Variants in ERC1 observed in about 807,000 individuals in gnomAD.
ERC1 encodes RAB6 interacting protein 2.
A neutral mutation model predicts 132.0 loss-of-function variants in ERC1; 56 were observed. That is an observed-to-expected ratio of 0.42 (90% CI 0.34 to 0.53). The LOEUF (loss-of-function observed/expected upper bound fraction) is 0.53, where lower values mean the gene tolerates loss of function less well. ERC1 is among the 20% of genes least tolerant of loss of function. The probability of loss-of-function intolerance (pLI) is 0.03; values close to 1 mark genes in which losing one functional copy is unlikely to be tolerated. For synonymous variants in ERC1, 478 were observed against 476.1 expected (o/e 1.00, Z -0.05); for missense variants, 1,202 against 1,349.9 (o/e 0.89, Z 1.72).
chr12:1,199,913 C>CT (rs777919131), intron 12 of ERC1, among the ~76,000 whole-genome samples: 8,496 of 144,382 alleles, frequency 0.059, 767 homozygotes, highest in African/African-American at 0.19. Flanking sequence ...GATTACATAA[C>CT]TTTTTTTTTT....
intron 8 of ERC1, among the ~76,000 whole-genome samples, chr12:1,145,043 A>G (rs1950220649): frequency 3.3e-5 from 5 of 151,496 alleles, no homozygotes. Flanking sequence ...TTGAGATGGA[A>G]TCTTGTTCTG....
chr12:1,424,223 G>A (rs1041404803), intron 17 of ERC1, among the ~76,000 whole-genome samples: 1 of 152,190 alleles, frequency 6.6e-6, no homozygotes, highest in African/African-American at 2.4e-5. Context: ...CATAATGAAT[G>A]AGTAGGCAAT....
rs749315393 is a variant in ERC1, at chr12:1,490,210, G to T, written c.3331G>T (p.Ala1111Ser). Residue 1111 changes from alanine (A) to serine (S), a missense_variant, in exon 19 of 19, where the codon GCC (alanine) becomes TCC (serine). By Grantham distance (99) the Ala-to-Ser change is moderately conservative. Coordinates refer to ENST00000360905, the MANE Select transcript of ERC1 (RefSeq NM_178040.4). ...CPDILEQVVNALEESS is the reference protein window; with the variant it reads ...CPDILEQVVNSLEESS ...CGACATCCTAGAGCAAGTGGTCAAC[G>T]CCCTGGAAGAGTCCTCTTGACCCTG... is the stretch of plus-strand genomic sequence containing the variant. 8.1e-6 allele frequency: 13 copies of T among 1,613,980 alleles called. No homozygotes were observed. In the African/African-American group the frequency reaches 1.6e-4, roughly 20 times the overall value.
chr12:1,318,549 CAA>C (rs1264805386), intron 15 of ERC1, among the ~76,000 whole-genome samples: 1 of 152,228 alleles, frequency 6.6e-6, no homozygotes. Flanking sequence ...ACAAATTAAA[CAA>C]AGTCAGGATT....
chr12:1,323,294 A>G (rs889921991), intron 15 of ERC1, among the ~76,000 whole-genome samples: 7 of 152,230 alleles, frequency 4.6e-5, no homozygotes, highest in Admixed American at 4.6e-4. Context: ...ATTGTGTTAT[A>G]TAAAATTACA....
At chr12:1,239,336 G>A (rs1412070246) in intron 13 of ERC1, among the ~76,000 whole-genome samples, 1 of 152,138 alleles carries the variant, frequency 6.6e-6, no homozygotes, top group African/African-American at 2.4e-5. Flanking sequence ...GACTATAGGC[G>A]TGAGCCACTG....
At chr12:1,313,940 C>T (rs1341829463) in intron 15 of ERC1, among the ~76,000 whole-genome samples, 1 of 152,128 alleles carries the variant, frequency 6.6e-6, no homozygotes, top group African/African-American at 2.4e-5. Context: ...GCCCAGATCA[C>T]ACCATTGCAC....
At chr12:1,134,482 A>G (rs1297819420) in intron 7 of ERC1, among the ~76,000 whole-genome samples, 1 of 151,650 alleles carries the variant, frequency 6.6e-6, no homozygotes, top group Non-Finnish European at 1.5e-5. Context: ...GAGTAGCTAG[A>G]ACTATAGGTG....
intron 11 of ERC1, among the ~76,000 whole-genome samples, chr12:1,185,341 T>C (rs1954956197): frequency 6.6e-6 from 1 of 152,210 alleles, no homozygotes; most frequent in East Asian, 1.9e-4. Context: ...CCTTGAGTTA[T>C]CAGAATTTTA....
chr12:1,427,360 T>G (rs2092672751), intron 17 of ERC1, among the ~76,000 whole-genome samples: 1 of 152,178 alleles, frequency 6.6e-6, no homozygotes, highest in Non-Finnish European at 1.5e-5. Flanking sequence ...CAGTAACCAC[T>G]TAACTTGGAA....
At chr12:1,316,463 A>G (rs1222089086) in intron 15 of ERC1, among the ~76,000 whole-genome samples, 1 of 152,124 alleles carries the variant, frequency 6.6e-6, no homozygotes, top group Non-Finnish European at 1.5e-5. Flanking sequence ...TGATATTTTA[A>G]TTATATATTT....
At chr12:994,380 A>G (rs1960363168) in intron 1 of ERC1, among the ~76,000 whole-genome samples, 1 of 152,184 alleles carries the variant, frequency 6.6e-6, no homozygotes, top group Admixed American at 6.5e-5. Context: ...TTGCTCACCA[A>G]GTCTTTCAGT....
At chr12:1,298,546 A>C (rs1433181363) in intron 15 of ERC1, among the ~76,000 whole-genome samples, 1 of 143,236 alleles carries the variant, frequency 7.0e-6, no homozygotes, top group African/African-American at 2.5e-5. Context: ...CTGTCACAAA[A>C]AAAAAAAAAA....
chr12:1,369,333 A>T (rs1201684685), intron 15 of ERC1, among the ~76,000 whole-genome samples: 1 of 152,244 alleles, frequency 6.6e-6, no homozygotes, highest in Non-Finnish European at 1.5e-5. Context: ...AGCTTCAACA[A>T]TATGGAATTA....
intron 3 of ERC1, among the ~76,000 whole-genome samples, chr12:1,092,927 C>T (rs1052412136): frequency 6.6e-6 from 1 of 152,188 alleles, no homozygotes; most frequent in Non-Finnish European, 1.5e-5. Context: ...CACCACTGCA[C>T]TCCAGCGTGC....
chr12:1,078,885 TAC>T (rs1941761895), intron 2 of ERC1, among the ~76,000 whole-genome samples: 1 of 126,460 alleles, frequency 7.9e-6, no homozygotes, highest in Non-Finnish European at 1.9e-5. Context: ...TATACAAAGA[TAC>T]AGATAGAAAT....
At chr12:1,051,570 T>C (rs1972003372) in intron 2 of ERC1, among the ~76,000 whole-genome samples, 1 of 147,446 alleles carries the variant, frequency 6.8e-6, no homozygotes, top group African/African-American at 2.5e-5. Context: ...GAAGAAAAAT[T>C]AGACAGGTAC....
chr12:1,357,405 C>G (rs1445410013), intron 15 of ERC1, among the ~76,000 whole-genome samples: 14 of 152,206 alleles, frequency 9.2e-5, no homozygotes, highest in Admixed American at 8.5e-4. Flanking sequence ...GTTAAATAAA[C>G]AGTGGGACAG....
chr12:1,467,201 G>A (rs1413055282), intron 18 of ERC1, among the ~76,000 whole-genome samples: 2 of 152,226 alleles, frequency 1.3e-5, no homozygotes, highest in Non-Finnish European at 2.9e-5. Context: ...CAACTTAACA[G>A]AAAAGTGTGA....
Sources: allele counts gnomAD v4.1 joint callset (sites outside exome capture counted in the v4.1 genomes callset), GRCh38; gene constraint gnomAD v4.1.1; transcripts MANE v1.5; gene names NCBI Gene and HGNC (gene_info 2026-07-23, HGNC 2026-07-21).